SETX: variants seen among roughly 807,000 people sequenced by gnomAD.
The protein encoded by SETX is senataxin.
A neutral mutation model predicts 227.2 loss-of-function variants in SETX; 90 were observed. The observed-to-expected ratio is 0.40, with a 90% CI of 0.33 to 0.47. The LOEUF is 0.47. Among genes scored for constraint, SETX ranks in the 20% least tolerant of loss-of-function variants. SETX has a pLI of 0.91. For missense variants in SETX, 3,052 were observed against 3,181.5 expected (o/e 0.96, Z 0.98); for synonymous variants, 1,210 against 1,113.2 (o/e 1.09, Z -1.73).
In SETX at chr9:132,331,001, C is replaced by T. The variant is rs1261095669; in HGVS notation, c.1098+51G>A. 3 of 1,351,674 alleles carry T rather than the reference C, an allele frequency of 2.2e-6. No individual in the cohort carries two copies. The Admixed American group carries it at 5.0e-5, about 23-fold the overall frequency. The allele number at this position is 1,351,674 out of a possible 1,614,324, so 83.7% of individuals were successfully genotyped here. A position where few individuals can be genotyped will look rare whatever the true frequency, so the allele number is the denominator to read the frequency against. On this transcript the variant is annotated intron_variant, in intron 9 of 25. Transcript: ENST00000224140. ...TCAACAAATTATACAAAATAGTCTA[C>T]ACAATATAAAGGCAATAAAATAGCA...
In SETX at chr9:132,264,676, G is replaced by A. The variant is rs202121071; in HGVS notation, c.7597C>T (p.His2533Tyr). The A allele has an allele frequency of 6.1e-5, 98 of 1,614,110 alleles. No homozygotes were observed. The highest frequency in any genetic ancestry group is 6.4e-5 in the Non-Finnish European group (76 of 1,180,058). The stretch of plus-strand genomic sequence containing the variant: ...AGTCGTGGGTCCTGAAGTTGGTCAT[G>A]AACAGGAGGTCTTTCAGGGTCCTTT... The part of the protein sequence containing the change: ...TSKDPERPPV[H>Y]DQLQDPRLLK... Residue 2533 changes from histidine (H) to tyrosine (Y), a missense_variant, in exon 26 of 26, where the codon CAT (histidine) becomes TAT (tyrosine). Around this residue, in one of 10 missense-constraint regions of SETX, gnomAD observed 294 missense variants for 278.8 expected, o/e 1.05. Transcript: ENST00000224140.
intron 11 of SETX, among the ~76,000 whole-genome samples, chr9:132,311,219 G>A (rs1216235204): frequency 2.0e-5 from 3 of 152,034 alleles, no homozygotes; most frequent in South Asian, 4.2e-4. Context: ...CGCCCGCCTC[G>A]GCCTCCCAAA....
chr9:132,329,572 C>T lies in SETX; in HGVS notation c.2026G>A (p.Asp676Asn). The T allele has an allele frequency of 6.2e-7, 1 of 1,613,556 alleles. No individual in the cohort carries two copies. ...GDNNEQNYIK[D>N]VKLEDHLLAG... ...AAGAGATGGTCCTCTAGTTTCACAT[C>T]CTTTATATAATTTTGCTCATTATTG... The change falls in exon 10 of 26, where the codon GAT becomes AAT. Residue 676 changes from aspartate to asparagine, a missense_variant. Transcript: ENST00000224140.
chr9:132,267,911 C>A (rs1256139393), intron 25 of SETX, among the ~76,000 whole-genome samples: 2 of 152,184 alleles, frequency 1.3e-5, no homozygotes, highest in Non-Finnish European at 2.9e-5. Flanking sequence ...GAGGTGCCAA[C>A]TTAAGGGAGG....
At chr9:132,350,523 T>C (rs1284316408) in intron 2 of SETX, among the ~76,000 whole-genome samples, 1 of 152,206 alleles carries the variant, frequency 6.6e-6, no homozygotes, top group African/African-American at 2.4e-5. Flanking sequence ...CTGAGGCTTC[T>C]GTGGCATAAA....
chr9:132,348,823 G>C (rs1160095819), intron 3 of SETX, among the ~76,000 whole-genome samples: 1 of 152,140 alleles, frequency 6.6e-6, no homozygotes, highest in Non-Finnish European at 1.5e-5. Flanking sequence ...AGCTACTCAG[G>C]AGGATGAGGT....
chr9:132,292,144 T>C (rs1257601562), intron 15 of SETX, among the ~76,000 whole-genome samples: 3 of 152,120 alleles, frequency 2.0e-5, no homozygotes, highest in Non-Finnish European at 2.9e-5. Flanking sequence ...GGAATAAATA[T>C]ATAATACAGC....
At chr9:132,336,952 G>C (rs1396027815) in intron 5 of SETX, among the ~76,000 whole-genome samples, 1 of 152,208 alleles carries the variant, frequency 6.6e-6, no homozygotes, top group African/African-American at 2.4e-5. Context: ...TGTAGTCCCA[G>C]CTACTTGGGA....
At chr9:132,356,736 C>A (rs1409295033), upstream of SETX, among the ~76,000 whole-genome samples, 1 of 152,064 alleles carries the variant, frequency 6.6e-6, no homozygotes, top group Non-Finnish European at 1.5e-5. Context: ...AGGCCCAAGG[C>A]GAAGGAAGAT....
At chr9:132,354,641 A>T (rs1848806080) in intron 1 of SETX, among the ~76,000 whole-genome samples, 1 of 151,824 alleles carries the variant, frequency 6.6e-6, no homozygotes, top group Non-Finnish European at 1.5e-5. Context: ...CCACACCAAA[A>T]ACAGCTCACA....
upstream of SETX, among the ~76,000 whole-genome samples, chr9:132,356,729 C>G (rs960439405): frequency 6.6e-6 from 1 of 152,114 alleles, no homozygotes; most frequent in African/African-American, 2.4e-5. Flanking sequence ...GCGGGAAAGG[C>G]CCAAGGCGAA....
rs1187711433 is a variant in SETX, at chr9:132,328,283, A to G, written c.3315T>C (p.Asp1105=). ...TAGGAGCCAAACATTTTTTCTCACC[A>G]TCTTGAACTGAATTATTATCGTCTG... ...DHPDDNNSVQ[D]GEKKCLAPIA... is the part of the protein sequence containing the mutation. The change falls in exon 10 of 26, where the codon GAT becomes GAC. Residue 1105 remains aspartate (D), a synonymous_variant. Coordinates refer to ENST00000224140, the MANE Select transcript of SETX (RefSeq NM_015046.7). 7 of 1,613,892 alleles carry G rather than the reference A, an allele frequency of 4.3e-6. No homozygotes were observed. The highest frequency in any genetic ancestry group is 5.9e-6 in the Non-Finnish European group (7 of 1,179,988).
chr9:132,287,950 G>T (rs1020857940), intron 17 of SETX, among the ~76,000 whole-genome samples: 5 of 152,218 alleles, frequency 3.3e-5, no homozygotes, highest in East Asian at 1.9e-4. Flanking sequence ...GAGGTGGGCA[G>T]ATCAACTTGA....
intron 10 of SETX, among the ~76,000 whole-genome samples, chr9:132,314,407 T>TAG (rs1299736297): frequency 6.6e-6 from 1 of 151,846 alleles, no homozygotes; most frequent in Non-Finnish European, 1.5e-5. Context: ...GTATTTTTAG[T>TAG]AGAGACAGCG....
At chr9:132,293,722 C>T (rs1844482928) in intron 15 of SETX, among the ~76,000 whole-genome samples, 1 of 151,448 alleles carries the variant, frequency 6.6e-6, no homozygotes, top group South Asian at 2.1e-4. Flanking sequence ...GCCCAGCCTG[C>T]TAATTAAAAA....
chr9:132,356,203 C>T (rs1284006512), upstream of SETX, among the ~76,000 whole-genome samples: 1 of 151,690 alleles, frequency 6.6e-6, no homozygotes, highest in Non-Finnish European at 1.5e-5. Flanking sequence ...AAGCCTATCC[C>T]CCCCCTTTTT....
At position 132,298,089 on chromosome 9, in the gene SETX, A is replaced by G; in HGVS notation, c.5772T>C (p.Ser1924=). Residue 1924 remains serine (S), a synonymous_variant, in exon 13 of 26, where the codon TCT becomes TCC. Coordinates refer to ENST00000224140, the MANE Select transcript of SETX (RefSeq NM_015046.7). ...FCTKDLLTTT[S]ERIIAYLRDF... ...ATACATCATCACTCACAATTCTCTC[A>G]GATGTTGTAGTCAGTAAATCTTTTG... 6.2e-7 allele frequency: 1 copy of G among 1,610,256 alleles called. No individual in the cohort carries two copies. Among genetic ancestry groups the G allele is most frequent in the Non-Finnish European group, 8.5e-7 (1 of 1,176,498 alleles).
chr9:132,295,847 T>C (rs1211331792), intron 15 of SETX, 25 bp downstream of exon 15: 1 of 1,605,472 alleles, frequency 6.2e-7, no homozygotes, highest in African/African-American at 1.3e-5. Context: ...CAAAAACAAA[T>C]TTAAAATCCA....
Position 132,327,830 on chromosome 9 carries a change from A to G in SETX, c.3768T>C (p.Ser1256=), listed in dbSNP as rs986871941. 1 of 1,614,118 alleles carries G rather than the reference A, an allele frequency of 6.2e-7. No individual in the cohort carries two copies. Residue 1256 remains serine (S), a synonymous_variant, in exon 10 of 26, where the codon AGT becomes AGC. Transcript: ENST00000224140. The part of the protein sequence containing the change: ...HSDAKKGQNR[S]SNYLSCRTTP... Reference sequence around the variant, plus strand: ...TTGTTCTACAACTTAGGTAATTTGAACTTCTATTCTGTCCTTTTTTGGCAT... The same window carrying G: ...TTGTTCTACAACTTAGGTAATTTGAGCTTCTATTCTGTCCTTTTTTGGCAT...
Sources: allele counts gnomAD v4.1 joint callset (sites outside exome capture counted in the v4.1 genomes callset), GRCh38; gene constraint gnomAD v4.1.1; regional missense constraint gnomAD v4.1.1; transcripts MANE v1.5; gene names NCBI Gene and HGNC (gene_info 2026-07-23, HGNC 2026-07-21).